MAN2A1: variants seen among roughly 807,000 people sequenced by gnomAD.
The protein encoded by MAN2A1 is mannosidase alpha class 2A member 1.
Under a neutral mutation model 142.6 loss-of-function variants are expected in MAN2A1, and 76 were observed. The ratio of observed to expected loss-of-function variants is 0.53; its 90% confidence interval spans 0.44 to 0.65. The LOEUF is 0.65. Ranked by LOEUF, MAN2A1 falls within the 30% of genes least tolerant of loss-of-function variation. The pLI is 0.00. For synonymous variants in MAN2A1, 559 were observed against 473.2 expected (o/e 1.18, Z -2.35); for missense variants, 1,311 against 1,365.1 (o/e 0.96, Z 0.62).
intron 16 of MAN2A1, among the ~76,000 whole-genome samples, chr5:109,832,914 T>C (rs1754957870): frequency 1.4e-5 from 2 of 147,162 alleles, no homozygotes; most frequent in Admixed American, 6.7e-5. Context: ...ACTTCTCAGA[T>C]GGGGCGGCAG....
chr5:109,838,927 T>C (rs1561537760), intron 16 of MAN2A1, among the ~76,000 whole-genome samples: 1 of 152,186 alleles, frequency 6.6e-6, no homozygotes, highest in East Asian at 1.9e-4. Context: ...GAAATTATCA[T>C]TTTTTCCTTG....
At chr5:109,827,272 A>C (rs1754782846) in intron 16 of MAN2A1, among the ~76,000 whole-genome samples, 1 of 152,256 alleles carries the variant, frequency 6.6e-6, no homozygotes, top group Non-Finnish European at 1.5e-5. Context: ...AAGAAACAGA[A>C]AATGAGTTAG....
rs1024007801 is a variant in MAN2A1 at position 109,705,508 on chromosome 5, A to G, written c.136-8012A>G. Among the ~76,000 whole-genome samples, 3 of 152,140 alleles carry G rather than the reference A, an allele frequency of 2.0e-5. No individual in the cohort carries two copies. In the East Asian group the frequency reaches 5.8e-4, roughly 29 times the overall value. On this transcript the variant is annotated intron_variant, in intron 1 of 21. Coordinates refer to ENST00000261483, the MANE Select transcript of MAN2A1 (RefSeq NM_002372.4). ...CTTGGGCTCACAGCTCCTTAGGGTC[A>G]TGGCTCTCCAGCTCTGATGATGGAG...
chr5:109,788,880 T>C, intron 10 of MAN2A1, 54 bp from the exon 11 acceptor site: 1 of 820,006 alleles, frequency 1.2e-6, no homozygotes, highest in South Asian at 1.5e-5. Flanking sequence ...ACTGAAAATA[T>C]TGTATGCAGA....
intron 10 of MAN2A1, among the ~76,000 whole-genome samples, chr5:109,786,019 C>T (rs1753587290): frequency 6.6e-6 from 1 of 151,982 alleles, no homozygotes; most frequent in African/African-American, 2.4e-5. Flanking sequence ...GACTGGCTTT[C>T]TAGAAATTGG....
At chr5:109,734,707 C>A (rs923745908) in intron 4 of MAN2A1, among the ~76,000 whole-genome samples, 1 of 152,092 alleles carries the variant, frequency 6.6e-6, no homozygotes, top group African/African-American at 2.4e-5. Context: ...ATCCTGAGTT[C>A]TAGTTTGATT....
chr5:109,729,885 A>T (rs10463601), intron 4 of MAN2A1, among the ~76,000 whole-genome samples: 1 of 151,866 alleles, frequency 6.6e-6, no homozygotes, highest in African/African-American at 2.4e-5. Context: ...CCAACTACTC[A>T]GGAGGCTCAG....
At chr5:109,708,221 A>G (rs1330227063) in intron 1 of MAN2A1, among the ~76,000 whole-genome samples, 2 of 152,106 alleles carry the variant, frequency 1.3e-5, no homozygotes, top group Admixed American at 6.5e-5. Context: ...GGAGTGCTCC[A>G]TTGTGCCTAA....
At chr5:109,786,161 T>C (rs537857613) in intron 10 of MAN2A1, among the ~76,000 whole-genome samples, 38 of 152,234 alleles carry the variant, frequency 2.5e-4, no homozygotes, top group African/African-American at 8.9e-4. Context: ...GAGGTTGATC[T>C]GGGGTTAAAG....
rs754873050 is a variant in MAN2A1 at position 109,866,927 on chromosome 5, G to A, written c.3364G>A (p.Gly1122Ser). 2.1e-5 allele frequency: 34 copies of A among 1,612,280 alleles called. No individual in the cohort carries two copies. The highest frequency in any genetic ancestry group is 2.6e-5 in the Non-Finnish European group (31 of 1,179,006). The change falls in exon 22 of 22, where the codon GGC becomes AGC. Residue 1122 changes from glycine to serine, a missense_variant. Transcript: ENST00000261483. The stretch of plus-strand genomic sequence containing the variant: ...ACTATCCTTGATGCATTCACCTCCC[G>A]GCACTCAGAATATAAGTGAGATCAA... ...SSLSLMHSPP[G>S]TQNISEINLS...
rs563355617 is a variant in MAN2A1, at chr5:109,795,660, A to G, written c.1943+6133A>G. Among the ~76,000 whole-genome samples the G allele has an allele frequency of 1.2e-4, 18 of 152,338 alleles. No individual in the cohort carries two copies. The South Asian group carries it at 3.5e-3, about 30-fold the overall frequency. On this transcript the variant is annotated intron_variant, in intron 12 of 21. Transcript: ENST00000261483. ...ATAAAAGCAACCTGCATGTCTTTTAAAGCAAGTATGGAGAATGATTCCTTT... is the reference window on the plus strand; with the variant it reads ...ATAAAAGCAACCTGCATGTCTTTTAGAGCAAGTATGGAGAATGATTCCTTT...
At chr5:109,705,907 C>T (rs1405002465) in intron 1 of MAN2A1, among the ~76,000 whole-genome samples, 3 of 152,186 alleles carry the variant, frequency 2.0e-5, no homozygotes, top group Non-Finnish European at 4.4e-5. Flanking sequence ...CTTCCATTTT[C>T]CTCTTTTCCT....
chr5:109,787,351 CTG>C (rs1311313080), intron 10 of MAN2A1, among the ~76,000 whole-genome samples: 1 of 151,910 alleles, frequency 6.6e-6, no homozygotes, highest in East Asian at 1.9e-4. Flanking sequence ...AACTAAGAAA[CTG>C]TGATTCCCAA....
intron 6 of MAN2A1, among the ~76,000 whole-genome samples, chr5:109,769,011 C>G (rs1561502434): frequency 6.6e-6 from 1 of 151,998 alleles, no homozygotes; most frequent in Non-Finnish European, 1.5e-5. Context: ...CGGATACAGC[C>G]AAATGTAGCA....
At chr5:109,792,375 T>C (rs1472809493) in intron 12 of MAN2A1, among the ~76,000 whole-genome samples, 2 of 152,030 alleles carry the variant, frequency 1.3e-5, no homozygotes, top group African/African-American at 4.8e-5. Context: ...TTCTAAGCCA[T>C]ACTTCGTGCC....
chr5:109,691,486 T>G (rs1036568473), intron 1 of MAN2A1, among the ~76,000 whole-genome samples: 5 of 152,230 alleles, frequency 3.3e-5, no homozygotes, highest in African/African-American at 1.2e-4. Flanking sequence ...AATCTAACTA[T>G]TCCTACTTGA....
At chr5:109,787,329 A>G (rs569270379) in intron 10 of MAN2A1, among the ~76,000 whole-genome samples, 342 of 152,126 alleles carry the variant, frequency 2.2e-3, no homozygotes, top group South Asian at 0.015. Context: ...TAATACAACA[A>G]CCATAACAGC....
intron 1 of MAN2A1, among the ~76,000 whole-genome samples, chr5:109,699,135 A>G (rs766194408): frequency 6.6e-6 from 1 of 152,192 alleles, no homozygotes; most frequent in Non-Finnish European, 1.5e-5. Context: ...TTGATTCATC[A>G]ACTTTAGGCC....
chr5:109,810,612 G>A (rs1170506195), intron 12 of MAN2A1, among the ~76,000 whole-genome samples: 1 of 152,170 alleles, frequency 6.6e-6, no homozygotes. Flanking sequence ...ATGCTCTTTT[G>A]ATCTCTTTGT....
Sources: gnomAD v4.1 joint callset for allele counts (sites outside exome capture counted in the v4.1 genomes callset) on GRCh38, gnomAD v4.1.1 for gene constraint, MANE v1.5 for transcripts, NCBI Gene and HGNC (gene_info 2026-07-23, HGNC 2026-07-21) for gene names.